The following MTDH variants were observed in gnomAD, a reference collection of about 807,000 sequenced individuals.
MTDH encodes the protein protein LYRIC.
In MTDH, 34 loss-of-function variants were observed where a neutral mutation model predicts 72.7. The ratio of observed to expected loss-of-function variants is 0.47; its 90% CI spans 0.36 to 0.62. The LOEUF is 0.62. MTDH is among the 20% of genes least tolerant of loss of function. The probability of loss-of-function intolerance (pLI) is 0.00; values close to 1 mark genes in which losing one functional copy is unlikely to be tolerated. For synonymous variants in MTDH, 266 were observed against 268.9 expected, an observed-to-expected ratio of 0.99 and a Z score of 0.10; for missense variants, 677 against 699.4, an observed-to-expected ratio of 0.97 and a Z score of 0.36.
At chr8:97,690,271 T>C (rs1377040704) in intron 5 of MTDH, among the ~76,000 whole-genome samples, 2 of 152,104 alleles carry the variant, frequency 1.3e-5, no homozygotes, top group African/African-American at 4.8e-5. Context: ...GGATTACAAG[T>C]GTGAGCCACT....
chr8:97,677,004 C>CAAAA (rs57430782), intron 2 of MTDH, among the ~76,000 whole-genome samples: 1,048 of 23,308 alleles, frequency 0.045, 276 homozygotes, highest in African/African-American at 0.17. Flanking sequence ...GACTCTATCT[C>CAAAA]AAAAAAAAAA....
At chr8:97,702,797 A>G (rs1176428700) in intron 7 of MTDH, among the ~76,000 whole-genome samples, 1 of 151,860 alleles carries the variant, frequency 6.6e-6, no homozygotes, top group African/African-American at 2.4e-5. Context: ...TTTGAAAAGA[A>G]TTAAGTTCTG....
chr8:97,656,889 C>T lies in MTDH; in HGVS notation c.382-4183C>T, dbSNP rs367692166. Among the ~76,000 whole-genome samples, 11 of 151,294 alleles carry T rather than the reference C, an allele frequency of 7.3e-5. No individual in the cohort carries two copies. In the East Asian group the frequency reaches 1.6e-3, roughly 22 times the overall value. On this transcript the variant is annotated intron_variant, in intron 1 of 11. Transcript: ENST00000336273. The stretch of plus-strand genomic sequence containing the variant: ...ATGACATGTGTCTAATGCTGAGACA[C>T]AGGAATCACTTGAACCTGGGAGGTG...
intron 2 of MTDH, among the ~76,000 whole-genome samples, chr8:97,683,995 C>G (rs1457471383): frequency 1.3e-5 from 2 of 152,040 alleles, no homozygotes; most frequent in Non-Finnish European, 2.9e-5. Context: ...CCTGTAATCC[C>G]AGCTTCTCAG....
Position 97,687,618 on chromosome 8 carries a change from A to G in MTDH, c.745+13A>G. 6.4e-7 allele frequency: 1 copy of G among 1,569,068 alleles called. No individual in the cohort carries two copies. The highest frequency in any genetic ancestry group is 8.6e-7 in the Non-Finnish European group (1 of 1,156,634). On this transcript the variant is annotated intron_variant, in intron 4 of 11. Transcript: ENST00000336273. ...AAGAAGAATAAAGGTATATTAGTGG[A>G]ACATAAGACAGTGGTACATCAAATC...
At chr8:97,664,761 T>C (rs1267926332) in intron 2 of MTDH, among the ~76,000 whole-genome samples, 4 of 152,036 alleles carry the variant, frequency 2.6e-5, no homozygotes, top group Non-Finnish European at 5.9e-5. Context: ...TTCTTTCCTT[T>C]CTTTTTTTTC....
At chr8:97,682,868 G>A (rs893944006) in intron 2 of MTDH, among the ~76,000 whole-genome samples, 29 of 151,794 alleles carry the variant, frequency 1.9e-4, no homozygotes, top group African/African-American at 6.8e-4. Context: ...CATATGACGG[G>A]TGGGGAACAG....
At chr8:97,644,922 GA>G in intron 1 of MTDH, 35 bp downstream of exon 1, 1 of 1,498,818 alleles carries the variant, frequency 6.7e-7, no homozygotes, top group Non-Finnish European at 8.8e-7. Context: ...GAGAACGGGC[GA>G]AGGGCGGGCG....
intron 7 of MTDH, among the ~76,000 whole-genome samples, chr8:97,703,134 G>A (rs1326341363): frequency 6.6e-6 from 1 of 152,158 alleles, no homozygotes; most frequent in Non-Finnish European, 1.5e-5. Flanking sequence ...GGAAGCCAAG[G>A]TGCAAGGATT....
chr8:97,657,135 T>G (rs1812010041), intron 1 of MTDH, among the ~76,000 whole-genome samples: 1 of 152,126 alleles, frequency 6.6e-6, no homozygotes, highest in South Asian at 2.1e-4. Flanking sequence ...ACATACAAAG[T>G]GTTCCTTTGT....
Position 97,725,819 on chromosome 8 carries a change from G to A in MTDH, c.*1149G>A, listed in dbSNP as rs915646010. 7.9e-5 allele frequency: 12 copies of A among 152,560 alleles called. No individual in the cohort carries two copies. The highest frequency in any genetic ancestry group is 1.8e-4 in the Non-Finnish European group (12 of 68,028). The allele number at this position is 152,560 out of a possible 1,614,324, so 9.5% of individuals were successfully genotyped here. ...ATGTTTCACCATTTTCAGGCACTGTGTAATTCTATTGTAATAAACTGGCAG... is the reference window on the plus strand; with the variant it reads ...ATGTTTCACCATTTTCAGGCACTGTATAATTCTATTGTAATAAACTGGCAG... On this transcript the variant is annotated 3_prime_UTR_variant, in exon 12 of 12. Coordinates refer to ENST00000336273, the MANE Select transcript of MTDH (RefSeq NM_178812.4).
rs755871435 is a variant in MTDH, at chr8:97,687,552, C to A, written c.692C>A (p.Thr231Asn). ...IPGIENTITV[T>N]TEQLTTASFP... ...GGGATAGAAAATACCATCACAGTTA[C>A]CACCGAGCAACTTACAACCGCATCA... The change falls in exon 4 of 12, where the codon ACC becomes AAC. Residue 231 changes from threonine to asparagine, a missense_variant. This residue lies in a region of MTDH where 467 missense variants were observed against 469.1 expected (regional missense o/e 1.00). Coordinates refer to ENST00000336273, the MANE Select transcript of MTDH (RefSeq NM_178812.4). The A allele has an allele frequency of 1.2e-6, 2 of 1,612,910 alleles. No individual in the cohort carries two copies. The highest frequency in any genetic ancestry group is 1.7e-5 in the Admixed American group (1 of 59,828).
At chr8:97,652,885 G>A (rs1188772289) in intron 1 of MTDH, among the ~76,000 whole-genome samples, 1 of 151,962 alleles carries the variant, frequency 6.6e-6, no homozygotes, top group African/African-American at 2.4e-5. Flanking sequence ...TGTAATCCCA[G>A]TACTTCGGGC....
rs35895126 is a variant in MTDH, at chr8:97,678,594, CTTTTTT to C, written c.484-8055_484-8050del. Among the ~76,000 whole-genome samples, 64 of 85,328 alleles carry C rather than the reference CTTTTTT, an allele frequency of 7.5e-4. 1 individual carries two copies. The South Asian group carries it at 0.031, about 42-fold the overall frequency. The allele number at this position is 85,328 out of a possible 152,430, so 56.0% of individuals were successfully genotyped here. ...GTTTCCTTTGCTTCCTTCCTTCCTT[CTTTTTT>C]TTTTTTTTTTTTTTTTTTGAGAGAG... On this transcript the variant is annotated intron_variant, in intron 2 of 11. Coordinates refer to ENST00000336273, the MANE Select transcript of MTDH (RefSeq NM_178812.4).
Position 97,686,726 on chromosome 8 carries a change from G to A in MTDH, c.542G>A (p.Arg181His), listed in dbSNP as rs1400140950. 10 of 1,593,254 alleles carry A rather than the reference G, an allele frequency of 6.3e-6. No individual in the cohort carries two copies. Among genetic ancestry groups the A allele is most frequent in the South Asian group, 2.3e-5 (2 of 86,702 alleles). The change falls in exon 3 of 12, where the codon CGC becomes CAC. Residue 181 changes from arginine (R) to histidine (H), a missense_variant. By Grantham distance (29) the Arg-to-His change is conservative. Transcript: ENST00000336273. ...GCTAAAGCAGTGCAAAACAGTTCAC[G>A]CCATGATGGAAAGGAAGTTGATGAA... ...SDAKAVQNSS[R>H]HDGKEVDEGA...
chr8:97,665,657 GAAAC>G (rs1211044899), intron 2 of MTDH, among the ~76,000 whole-genome samples: 1 of 152,120 alleles, frequency 6.6e-6, no homozygotes, highest in Non-Finnish European at 1.5e-5. Flanking sequence ...GAAGGGAAGA[GAAAC>G]AAATGAACAC....
Position 97,644,324 on chromosome 8 carries a change from C to G in MTDH, c.-183C>G, listed in dbSNP as rs1939079668. 1.4e-6 allele frequency: 1 copy of G among 738,988 alleles called. No homozygotes were observed. Among genetic ancestry groups the G allele is most frequent in the African/African-American group, 1.9e-5 (1 of 52,836 alleles). The allele number at this position is 738,988 out of a possible 1,614,324, so 45.8% of individuals were successfully genotyped here. ...GCGGAGTGAGGCTGACAGCGGGGAA[C>G]CTGGGAGACCCCTCCGCCCTCCCCG... is the stretch of plus-strand genomic sequence containing the variant. On this transcript the variant is annotated 5_prime_UTR_variant, in exon 1 of 12. Transcript: ENST00000336273.
At position 97,644,334 on chromosome 8, in the gene MTDH, C is replaced by A; in HGVS notation, c.-173C>A. On this transcript the variant is annotated 5_prime_UTR_variant, in exon 1 of 12. Transcript: ENST00000336273. ...GCTGACAGCGGGGAACCTGGGAGAC[C>A]CCTCCGCCCTCCCCGCGGTGGCAGC... 1 of 827,418 alleles carries A rather than the reference C, an allele frequency of 1.2e-6. No homozygotes were observed. Among genetic ancestry groups the A allele is most frequent in the Non-Finnish European group, 1.8e-6 (1 of 567,542 alleles). The allele number at this position is 827,418 out of a possible 1,614,324, so 51.3% of individuals were successfully genotyped here.
chr8:97,694,378 G>A (rs1277161131), intron 6 of MTDH, among the ~76,000 whole-genome samples: 1 of 151,798 alleles, frequency 6.6e-6, no homozygotes, highest in Non-Finnish European at 1.5e-5. Flanking sequence ...TGTATTTTTA[G>A]TAGAGATGGG....
Sources: gnomAD v4.1 joint callset for allele counts (sites outside exome capture counted in the v4.1 genomes callset) on GRCh38, gnomAD v4.1.1 for gene constraint, gnomAD v4.1.1 regional missense constraint, MANE v1.5 for transcripts, NCBI Gene and HGNC (gene_info 2026-07-23, HGNC 2026-07-21) for gene names.